Variants in ZNF536 observed in about 807,000 individuals in gnomAD.
ZNF536 encodes zinc finger protein 536.
In ZNF536, 13 loss-of-function variants were observed where a neutral mutation model predicts 84.5. The ratio of observed to expected loss-of-function variants is 0.15; its 90% CI spans 0.10 to 0.24. ZNF536 has a LOEUF of 0.24. ZNF536 is among the 10% of genes least tolerant of loss of function. The probability of loss-of-function intolerance (pLI) is 1.00; values close to 1 mark genes in which losing one functional copy is unlikely to be tolerated. For missense variants in ZNF536, 1,536 were observed against 1,747.5 expected, an observed-to-expected ratio of 0.88 and a Z score of 2.16; for synonymous variants, 811 against 742.5, an observed-to-expected ratio of 1.09 and a Z score of -1.50.
At chr19:30,398,467 G>A (rs1451063133) in intron 1 of ZNF536, among the ~76,000 whole-genome samples, 2 of 150,882 alleles carry the variant, frequency 1.3e-5, no homozygotes, top group East Asian at 1.9e-4. Flanking sequence ...GTATACACAC[G>A]CCATGGTGGT....
intron 1 of ZNF536, among the ~76,000 whole-genome samples, chr19:30,615,273 T>C (rs1177074391): frequency 1.3e-5 from 2 of 152,130 alleles, no homozygotes; most frequent in Non-Finnish European, 2.9e-5. Flanking sequence ...TCCTTAACCA[T>C]CTTCCTTTTA....
intron 1 of ZNF536, among the ~76,000 whole-genome samples, chr19:30,582,375 C>CTTTTTT (rs35509271): frequency 3.4e-5 from 3 of 89,172 alleles, no homozygotes; most frequent in South Asian, 4.5e-4. Flanking sequence ...CCTAGTTTCT[C>CTTTTTT]TTTTTTTTTT....
chr19:30,560,397 C>T (rs1296477725), downstream of ZNF536, among the ~76,000 whole-genome samples: 1 of 152,036 alleles, frequency 6.6e-6, no homozygotes, highest in Non-Finnish European at 1.5e-5. Flanking sequence ...ACCATCCATC[C>T]CCATGTGGAA....
rs369794339 is a variant in ZNF536 at position 30,685,116 on chromosome 19, G to C, written c.170-25641G>C. 6.6e-5 allele frequency among the ~76,000 whole-genome samples: 10 copies of C among 152,286 alleles called. No homozygotes were observed. In the East Asian group the frequency reaches 1.7e-3, roughly 27 times the overall value. ...CCTTTTGGATAACTTTGTGTTGGTGGGGGGAGGGGTCTTTATCAAATCCTT... is the reference window on the plus strand; with the variant it reads ...CCTTTTGGATAACTTTGTGTTGGTGCGGGGAGGGGTCTTTATCAAATCCTT... On this transcript the variant is annotated intron_variant, in intron 1 of 1. Transcript: ENST00000592773.
At chr19:30,375,608 TG>T (rs1298797506) in intron 1 of ZNF536, among the ~76,000 whole-genome samples, 1 of 152,020 alleles carries the variant, frequency 6.6e-6, no homozygotes, top group Non-Finnish European at 1.5e-5. Flanking sequence ...AGTGCCTGTG[TG>T]GGGGTAGGGG....
rs1164629317 is a variant in ZNF536, at chr19:30,299,213, T to C, written c.-120+15072T>C. 2.0e-5 allele frequency among the ~76,000 whole-genome samples: 3 copies of C among 152,256 alleles called. No individual in the cohort carries two copies. In the East Asian group the frequency reaches 5.8e-4, roughly 29 times the overall value. ...TTGAAATTCACAAATTCTATCACTT[T>C]TGTGATTGGCAACATTAAATGGCAA... is the stretch of plus-strand genomic sequence containing the variant. On this transcript the variant is annotated intron_variant, in intron 2 of 5. Coordinates refer to the ZNF536 transcript ENST00000585628.
At chr19:30,326,704 C>A (rs1024923661) in intron 2 of ZNF536, among the ~76,000 whole-genome samples, 1 of 133,348 alleles carries the variant, frequency 7.5e-6, no homozygotes, top group African/African-American at 2.8e-5. Flanking sequence ...ATCTCTGGCA[C>A]AAAGAAGAGA....
At chr19:30,542,003 A>G (rs1012296516) in intron 3 of ZNF536, among the ~76,000 whole-genome samples, 9 of 152,254 alleles carry the variant, frequency 5.9e-5, no homozygotes, top group Non-Finnish European at 1.0e-4. Context: ...CTAAGTGAAG[A>G]GATGGAGAAG....
chr19:30,425,965 A>T (rs2051195963), intron 1 of ZNF536, among the ~76,000 whole-genome samples: 1 of 152,020 alleles, frequency 6.6e-6, no homozygotes, highest in Admixed American at 6.6e-5. Flanking sequence ...GAAGTCCCAG[A>T]CCCTACTAGG....
chr19:30,553,660 G>T (rs148104754), intron 4 of ZNF536, among the ~76,000 whole-genome samples: 1 of 152,326 alleles, frequency 6.6e-6, no homozygotes, highest in Non-Finnish European at 1.5e-5. Flanking sequence ...TGGCTGAACT[G>T]GTAGCATCTG....
At chr19:30,612,738 C>T (rs955747344) in intron 1 of ZNF536, among the ~76,000 whole-genome samples, 1 of 152,166 alleles carries the variant, frequency 6.6e-6, no homozygotes, top group South Asian at 2.1e-4. Flanking sequence ...TCCCCTTTGC[C>T]TAGGTTCCCT....
chr19:30,477,115 G>C (rs1177990102), intron 2 of ZNF536, among the ~76,000 whole-genome samples: 1 of 152,134 alleles, frequency 6.6e-6, no homozygotes, highest in Non-Finnish European at 1.5e-5. Context: ...AGGTCCACTT[G>C]TCTTTACTTT....
rs564668577 is a variant in ZNF536 at position 30,396,421 on chromosome 19, A to C, written c.-3+23865A>C. On this transcript the variant is annotated intron_variant, in intron 1 of 4. Transcript: ENST00000355537. ...TTTGGGGTTTACTTTTGCTTTTGGC[A>C]ATTTCTTTAGATTTGTCTCTTCCAT... 3.3e-5 allele frequency among the ~76,000 whole-genome samples: 5 copies of C among 152,228 alleles called. No individual in the cohort carries two copies. The East Asian group carries it at 9.6e-4, about 29-fold the overall frequency.
chr19:30,662,456 G>A (rs1281024144), intron 1 of ZNF536, among the ~76,000 whole-genome samples: 1 of 152,144 alleles, frequency 6.6e-6, no homozygotes, highest in African/African-American at 2.4e-5. Context: ...GGGCAGAAGT[G>A]GCCTGAATTT....
At chr19:30,284,511 T>C (rs994418462) in intron 2 of ZNF536, among the ~76,000 whole-genome samples, 15 of 152,218 alleles carry the variant, frequency 9.9e-5, no homozygotes, top group African/African-American at 3.6e-4. Flanking sequence ...GTGGTCGGGC[T>C]CCCCATCACT....
At position 30,266,701 on chromosome 19, in the gene ZNF536, A is replaced by G. The variant is rs542567710; in HGVS notation, c.-189-17371A>G. Reference sequence around the variant, plus strand: ...GCCACGAATTATTTACGTAAACTTCATATATCAAGCATAATACTCCCAACT... The same window carrying G: ...GCCACGAATTATTTACGTAAACTTCGTATATCAAGCATAATACTCCCAACT... On this transcript the variant is annotated intron_variant, in intron 1 of 5. Coordinates refer to the ZNF536 transcript ENST00000585628. Among the ~76,000 whole-genome samples, 41 of 152,362 alleles carry G rather than the reference A, an allele frequency of 2.7e-4. 1 individual carries two copies. The South Asian group carries it at 5.0e-3, about 18-fold the overall frequency.
chr19:30,443,492 G>A (rs2148140683), intron 1 of ZNF536, 69 bp from the exon 2 acceptor site: 2 of 1,489,236 alleles, frequency 1.3e-6, no homozygotes, highest in South Asian at 1.4e-5. Context: ...TTCCCTGCCC[G>A]CCAATGCTGT....
intron 3 of ZNF536, among the ~76,000 whole-genome samples, chr19:30,357,060 C>A (rs775193418): frequency 6.6e-6 from 1 of 152,212 alleles, no homozygotes; most frequent in South Asian, 2.1e-4. Flanking sequence ...ATAATATGGG[C>A]GTTGAGGGTG....
intron 1 of ZNF536, among the ~76,000 whole-genome samples, chr19:30,695,285 G>A (rs189450530): frequency 2.0e-5 from 3 of 152,304 alleles, no homozygotes; most frequent in Admixed American, 6.5e-5. Flanking sequence ...GCAAGGTGGG[G>A]ACTCCTGTGG....
Sources: gnomAD v4.1 joint callset for allele counts (sites outside exome capture counted in the v4.1 genomes callset) on GRCh38, gnomAD v4.1.1 for gene constraint, MANE v1.5 for transcripts, NCBI Gene and HGNC (gene_info 2026-07-23, HGNC 2026-07-21) for gene names.